RPTOR: variants seen among roughly 807,000 people sequenced by gnomAD.
The protein encoded by RPTOR is regulatory associated protein of MTOR complex 1.
Under a neutral mutation model 169.9 loss-of-function variants are expected in RPTOR, and 21 were observed. The observed-to-expected ratio is 0.12, with a 90% CI of 0.09 to 0.18. RPTOR has a LOEUF of 0.18. RPTOR is among the 10% of genes least tolerant of loss of function. The pLI, the probability that RPTOR is intolerant of heterozygous loss-of-function variation, is 1.00. For missense variants in RPTOR, 1,133 were observed against 1,855.9 expected (o/e 0.61, Z 7.16); for synonymous variants, 732 against 753.2 (o/e 0.97, Z 0.46).
At chr17:80,679,168 G>T (rs919248526) in intron 3 of RPTOR, among the ~76,000 whole-genome samples, 2 of 152,242 alleles carry the variant, frequency 1.3e-5, no homozygotes, top group African/African-American at 2.4e-5. Context: ...GCCTGAACTC[G>T]GGAGGCGGAA....
intron 21 of RPTOR, among the ~76,000 whole-genome samples, chr17:80,912,536 G>T (rs2068625237): frequency 6.6e-6 from 1 of 152,166 alleles, no homozygotes; most frequent in African/African-American, 2.4e-5. Context: ...GTGCGTTCCT[G>T]TGGACCTGGC....
rs1294065763 is a variant in RPTOR, at chr17:80,855,480, T to G, written c.1331T>G (p.Val444Gly). 3 of 1,613,946 alleles carry G rather than the reference T, an allele frequency of 1.9e-6. No homozygotes were observed. The highest frequency in any genetic ancestry group is 2.5e-6 in the Non-Finnish European group (3 of 1,179,794). ...TTCTTCCAGGTGCTGTTAAGCCAAG[T>G]GCACCGGCTGAGAGCATTGGACTTG... ...PIVLQVLLSQVHRLRALDLLG... is the reference protein window; with the variant it reads ...PIVLQVLLSQGHRLRALDLLG... Residue 444 changes from valine (V) to glycine (G), a missense_variant, in exon 12 of 34, where the codon GTG becomes GGG. Coordinates refer to ENST00000306801, the MANE Select transcript of RPTOR (RefSeq NM_020761.3).
chr17:80,655,085 T>A (rs2065669513), intron 3 of RPTOR, among the ~76,000 whole-genome samples: 1 of 152,198 alleles, frequency 6.6e-6, no homozygotes, highest in African/African-American at 2.4e-5. Context: ...AAAACATAGT[T>A]TCTTTATCTA....
intron 7 of RPTOR, among the ~76,000 whole-genome samples, chr17:80,800,048 G>C (rs1295901758): frequency 3.9e-5 from 6 of 152,242 alleles, no homozygotes; most frequent in Non-Finnish European, 7.3e-5. Context: ...GTGCACGGCA[G>C]GTGGCCCCCT....
intron 3 of RPTOR, among the ~76,000 whole-genome samples, chr17:80,669,055 C>T (rs1166935777): frequency 2.6e-5 from 4 of 152,164 alleles, no homozygotes; most frequent in East Asian, 1.9e-4. Flanking sequence ...CTCGGGGACA[C>T]GCTTGCCGGA....
chr17:80,658,801 C>A (rs2065698885), intron 3 of RPTOR, among the ~76,000 whole-genome samples: 1 of 152,188 alleles, frequency 6.6e-6, no homozygotes, highest in Non-Finnish European at 1.5e-5. Context: ...CTACCAAATT[C>A]TTGATTCCAT....
rs1166182668 is a variant in RPTOR at position 80,754,816 on chromosome 17, T to C, written c.830+631T>C. 6.6e-6 allele frequency among the ~76,000 whole-genome samples: 1 copy of C among 152,138 alleles called. No homozygotes were observed. Among genetic ancestry groups the C allele is most frequent in the African/African-American group, 2.4e-5 (1 of 41,436 alleles). On this transcript the variant is annotated intron_variant, in intron 6 of 33. Transcript: ENST00000306801. The surrounding 1 kb of genome is among the most constrained non-coding windows in gnomAD (Gnocchi z 4.2). Reference sequence around the variant, plus strand: ...CAGTCTTTAATATCTCCTTTCCCATTTTATGTTTTGCTGAAAAGCTTATAT... The same window carrying C: ...CAGTCTTTAATATCTCCTTTCCCATCTTATGTTTTGCTGAAAAGCTTATAT...
intron 3 of RPTOR, among the ~76,000 whole-genome samples, chr17:80,660,879 TC>T (rs1267085060): frequency 6.7e-6 from 1 of 148,508 alleles, no homozygotes; most frequent in African/African-American, 2.5e-5. Flanking sequence ...CCACCCCAAG[TC>T]AGCTTCCTAA....
At chr17:80,870,253 T>A (rs574520632) in intron 13 of RPTOR, among the ~76,000 whole-genome samples, 2 of 152,224 alleles carry the variant, frequency 1.3e-5, no homozygotes, top group South Asian at 4.2e-4. Context: ...ATGAAGTAAA[T>A]CCAGATTTGG....
intron 1 of RPTOR, among the ~76,000 whole-genome samples, chr17:80,547,206 G>A (rs1354640188): frequency 1.3e-5 from 2 of 152,204 alleles, no homozygotes; most frequent in East Asian, 3.8e-4. Context: ...AGTTAAATAA[G>A]TTAGTCATTG....
chr17:80,639,189 T>C (rs2065532765), intron 2 of RPTOR, among the ~76,000 whole-genome samples: 1 of 151,692 alleles, frequency 6.6e-6, no homozygotes, highest in South Asian at 2.1e-4. Flanking sequence ...CAAAAATGAG[T>C]TGTTTAAGGC....
At position 80,844,735 on chromosome 17, in the gene RPTOR, C is replaced by G. The variant is rs2143706703; in HGVS notation, c.1213-1738C>G. 6.6e-6 allele frequency among the ~76,000 whole-genome samples: 1 copy of G among 152,336 alleles called. No individual in the cohort carries two copies. The highest frequency in any genetic ancestry group is 2.1e-4 in the South Asian group (1 of 4,832). On this transcript the variant is annotated intron_variant, in intron 10 of 33. Transcript: ENST00000306801. The surrounding 1 kb of genome is among the most constrained non-coding windows in gnomAD (Gnocchi z 4.7). The stretch of plus-strand genomic sequence containing the variant: ...TCCTCTGTGGAGGCTGCCGAGAGCG[C>G]TCCTGGACTTGGGCGCACGGAGGCA...
rs2069113322 is a variant in RPTOR at position 80,947,109 on chromosome 17, G to T, written c.3141-118G>T. The T allele has an allele frequency of 9.9e-7, 1 of 1,010,032 alleles. No individual in the cohort carries two copies. The highest frequency in any genetic ancestry group is 1.4e-6 in the Non-Finnish European group (1 of 724,690). The allele number at this position is 1,010,032 out of a possible 1,614,324, so 62.6% of individuals were successfully genotyped here. ...TAGGATGACAGGTGTGAGCCGCCGT[G>T]CCCGGCTGTGGTGTGTGGTTTTTTG... is the stretch of plus-strand genomic sequence containing the variant. On this transcript the variant is annotated intron_variant, in intron 26 of 33. Transcript: ENST00000306801. The surrounding 1 kb of genome is among the most constrained non-coding windows in gnomAD (Gnocchi z 4.4).
In RPTOR at chr17:80,908,607, C is replaced by G. The variant is rs3751941; in HGVS notation, c.2402-204C>G. On this transcript the variant is annotated intron_variant, in intron 20 of 33. Coordinates refer to ENST00000306801, the MANE Select transcript of RPTOR (RefSeq NM_020761.3). The stretch of plus-strand genomic sequence containing the variant: ...AAAGATTTGGCCTCAGTAGATGAAT[C>G]CATGTGATCAAGCCTAGTGATCAGC... 2.0e-5 allele frequency among the ~76,000 whole-genome samples: 3 copies of G among 152,300 alleles called. No homozygotes were observed. The East Asian group carries it at 5.8e-4, about 29-fold the overall frequency.
chr17:80,901,062 A>G (rs2068470476), intron 20 of RPTOR, among the ~76,000 whole-genome samples: 1 of 152,112 alleles, frequency 6.6e-6, no homozygotes, highest in African/African-American at 2.4e-5. Flanking sequence ...TGCGCGTGCC[A>G]TGCCTGAGGC....
intron 21 of RPTOR, among the ~76,000 whole-genome samples, chr17:80,918,469 C>CATAGCCATGAGCACCCTCACG (rs1567986109): frequency 4.9e-4 from 9 of 18,296 alleles, no homozygotes; most frequent in African/African-American, 1.6e-3. Context: ...GCACCCTCGC[C>CATAGCCATGAGCACCCTCACG]GGAGTCATAG....
intron 11 of RPTOR, among the ~76,000 whole-genome samples, chr17:80,847,060 C>T (rs58407255): frequency 2.0e-5 from 3 of 152,242 alleles, no homozygotes; most frequent in East Asian, 1.9e-4. Flanking sequence ...TACTGACCGG[C>T]GAAGCGGGCA....
At chr17:80,935,571 C>G (rs1395508838) in intron 24 of RPTOR, among the ~76,000 whole-genome samples, 1 of 152,078 alleles carries the variant, frequency 6.6e-6, no homozygotes, top group East Asian at 1.9e-4. Context: ...AATTGATTTT[C>G]AACAAAGGTG....
chr17:80,932,835 A>G (rs896239347), intron 24 of RPTOR, among the ~76,000 whole-genome samples: 3 of 152,204 alleles, frequency 2.0e-5, no homozygotes, highest in Non-Finnish European at 4.4e-5. Context: ...ACACATATAC[A>G]CACACAGCTG....
Sources: gnomAD v4.1 joint callset for allele counts (sites outside exome capture counted in the v4.1 genomes callset) on GRCh38, gnomAD v4.1.1 for gene constraint, Gnocchi (gnomAD v3.1) non-coding constraint, MANE v1.5 for transcripts, NCBI Gene and HGNC (gene_info 2026-07-23, HGNC 2026-07-21) for gene names.